The following FRMD4B variants were observed in gnomAD, a reference collection of about 807,000 sequenced individuals.
The protein encoded by FRMD4B is FERM domain-containing protein 4B.
Under a neutral mutation model 141.5 loss-of-function variants are expected in FRMD4B, and 74 were observed. The observed-to-expected ratio is 0.52, with a 90% CI of 0.43 to 0.63. The LOEUF is 0.63. FRMD4B is among the 30% of genes least tolerant of loss of function. The pLI, the probability that FRMD4B is intolerant of heterozygous loss-of-function variation, is 0.00. For missense variants in FRMD4B, 1,366 were observed against 1,253.4 expected (o/e 1.09, Z -1.36); for synonymous variants, 506 against 467.9 (o/e 1.08, Z -1.05).
chr3:69,317,754 CAAA>C (rs765280161), intron 1 of FRMD4B, among the ~76,000 whole-genome samples: 42 of 52,600 alleles, frequency 8.0e-4, no homozygotes, highest in African/African-American at 3.3e-3. Flanking sequence ...GACACCAACT[CAAA>C]AAAAAAAAAA....
At position 69,182,615 on chromosome 3, in the gene FRMD4B, G is replaced by A. The variant is rs761722641; in HGVS notation, c.2022C>T (p.Tyr674=). 21 of 1,612,038 alleles carry A rather than the reference G, an allele frequency of 1.3e-5. No individual in the cohort carries two copies. Among genetic ancestry groups the A allele is most frequent in the Admixed American group, 1.0e-4 (6 of 59,094 alleles). Residue 674 remains tyrosine, a synonymous_variant, in exon 20 of 23, where the codon TAC becomes TAT. Transcript: ENST00000398540. ...PTTPVLTRNA[Y]SSSHLEPESS... ...TCTCTTACTCCAAGTGGCTGCTGCTGTAGGCGTTTCGGGTAAGAACTGGCG... is the reference window on the plus strand; with the variant it reads ...TCTCTTACTCCAAGTGGCTGCTGCTATAGGCGTTTCGGGTAAGAACTGGCG...
At chr3:69,194,621 T>C (rs775174792) in intron 16 of FRMD4B, among the ~76,000 whole-genome samples, 1 of 152,198 alleles carries the variant, frequency 6.6e-6, no homozygotes, top group Non-Finnish European at 1.5e-5. Context: ...TTGGATCCCG[T>C]GGAGGGAAGT....
At chr3:69,464,133 T>C (rs73835863) in intron 1 of FRMD4B, among the ~76,000 whole-genome samples, 3,992 of 152,296 alleles carry the variant, frequency 0.026, 169 homozygotes, top group African/African-American at 0.09. Flanking sequence ...TCTGAGGTTA[T>C]AGCAGCAACT....
At chr3:69,342,839 C>A (rs1224947497) in intron 1 of FRMD4B, among the ~76,000 whole-genome samples, 2 of 152,104 alleles carry the variant, frequency 1.3e-5, no homozygotes, top group Non-Finnish European at 2.9e-5. Context: ...CTATACAACA[C>A]TAGAACTTAT....
intron 1 of FRMD4B, among the ~76,000 whole-genome samples, chr3:69,451,516 T>C (rs1019170246): frequency 6.6e-6 from 1 of 152,194 alleles, no homozygotes; most frequent in Non-Finnish European, 1.5e-5. Flanking sequence ...TATTTTAATG[T>C]CTTCTCTTTA....
intron 7 of FRMD4B, among the ~76,000 whole-genome samples, chr3:69,225,502 T>C (rs545734295): frequency 7.8e-4 from 99 of 127,128 alleles, no homozygotes; most frequent in Admixed American, 1.2e-3. Context: ...GGTGAAACCC[T>C]GTATCTACTA....
chr3:69,499,705 G>C (rs1042182380), intron 1 of FRMD4B, among the ~76,000 whole-genome samples: 1 of 152,176 alleles, frequency 6.6e-6, no homozygotes, highest in African/African-American at 2.4e-5. Context: ...GAGAGAGAGA[G>C]AGAGAGAGAT....
chr3:69,212,773 C>T (rs1009864770), intron 11 of FRMD4B, among the ~76,000 whole-genome samples: 1 of 152,160 alleles, frequency 6.6e-6, no homozygotes, highest in African/African-American at 2.4e-5. Context: ...TAATAAATTA[C>T]TTGTGAGTTG....
At chr3:69,235,786 A>T (rs1392563212) in intron 7 of FRMD4B, among the ~76,000 whole-genome samples, 2 of 152,192 alleles carry the variant, frequency 1.3e-5, no homozygotes, top group African/African-American at 2.4e-5. Context: ...TGCTATTAAC[A>T]TCAGTGTCCC....
At chr3:69,469,340 A>G (rs1308709414) in intron 1 of FRMD4B, among the ~76,000 whole-genome samples, 1 of 152,232 alleles carries the variant, frequency 6.6e-6, no homozygotes, top group Admixed American at 6.5e-5. Flanking sequence ...CTCTTTAATT[A>G]AAACAACTCA....
chr3:69,327,649 A>T (rs1391254894), intron 1 of FRMD4B, among the ~76,000 whole-genome samples: 1 of 152,160 alleles, frequency 6.6e-6, no homozygotes, highest in Non-Finnish European at 1.5e-5. Context: ...CTCCTTAGGG[A>T]GTTTATAATT....
At chr3:69,470,421 T>A (rs749568009) in intron 1 of FRMD4B, among the ~76,000 whole-genome samples, 5 of 152,216 alleles carry the variant, frequency 3.3e-5, no homozygotes, top group Non-Finnish European at 5.9e-5. Flanking sequence ...GTCCAGTTTT[T>A]TTTAATTTAA....
At chr3:69,455,080 G>C (rs1251492295) in intron 1 of FRMD4B, among the ~76,000 whole-genome samples, 1 of 152,194 alleles carries the variant, frequency 6.6e-6, no homozygotes, top group Non-Finnish European at 1.5e-5. Flanking sequence ...TCAGCACTCT[G>C]TGTCTAGCTC....
At chr3:69,530,445 A>G (rs1176255615) in intron 1 of FRMD4B, among the ~76,000 whole-genome samples, 1 of 152,106 alleles carries the variant, frequency 6.6e-6, no homozygotes, top group Admixed American at 6.5e-5. Flanking sequence ...ATCTCTGCAC[A>G]CACCAGTTCC....
chr3:69,336,416 T>C (rs1702553335), intron 1 of FRMD4B: 1 of 151,994 alleles, frequency 6.6e-6, no homozygotes, highest in Non-Finnish European at 1.5e-5. Context: ...AAGTATGGAG[T>C]TTGTTTCAGA....
intron 8 of FRMD4B, among the ~76,000 whole-genome samples, chr3:69,223,196 A>T (rs184186841): frequency 6.6e-6 from 1 of 152,306 alleles, no homozygotes; most frequent in East Asian, 1.9e-4. Flanking sequence ...ACTAGTTCTC[A>T]TTAGTAATGT....
Position 69,385,919 on chromosome 3 carries a change from G to C in FRMD4B, c.71C>G (p.Thr24Ser), listed in dbSNP as rs547038135. The C allele has an allele frequency of 6.2e-7, 1 of 1,605,226 alleles. No individual in the cohort carries two copies. The highest frequency in any genetic ancestry group is 1.3e-5 in the African/African-American group (1 of 74,772). ...FSGSRFVWNL[T>S]VSTLRRWYTE... ...GTACCATCTCCGCAGCGTGGACACG[G>C]TCAAGTTCCATACGAAGCGGCTGCC... Residue 24 changes from threonine to serine, a missense_variant, in exon 1 of 23, where the codon ACC becomes AGC. Transcript: ENST00000398540.
At chr3:69,501,053 A>C (rs899807054) in intron 1 of FRMD4B, among the ~76,000 whole-genome samples, 2 of 152,196 alleles carry the variant, frequency 1.3e-5, no homozygotes, top group African/African-American at 4.8e-5. Context: ...GTTTGGTGAT[A>C]TATCCTATCA....
At chr3:69,539,690 T>C (rs1053025874) in intron 1 of FRMD4B, among the ~76,000 whole-genome samples, 1 of 152,192 alleles carries the variant, frequency 6.6e-6, no homozygotes, top group Admixed American at 6.5e-5. Flanking sequence ...ATTTCTGAAT[T>C]TAAGCAAATA....
Sources: gnomAD v4.1 joint callset for allele counts (sites outside exome capture counted in the v4.1 genomes callset) on GRCh38, gnomAD v4.1.1 for gene constraint, MANE v1.5 for transcripts, NCBI Gene and HGNC (gene_info 2026-07-23, HGNC 2026-07-21) for gene names.